BIRC6: variants seen among roughly 807,000 people sequenced by gnomAD.
BIRC6 encodes baculoviral IAP repeat containing 6.
Under a neutral mutation model 503.3 loss-of-function variants are expected in BIRC6, and 98 were observed. The observed-to-expected ratio is 0.19, with a 90% CI of 0.17 to 0.23. The LOEUF (loss-of-function observed/expected upper bound fraction) is 0.23, where lower values mean the gene tolerates loss of function less well. Ranked by LOEUF, BIRC6 falls within the 10% of genes least tolerant of loss-of-function variation. The probability of loss-of-function intolerance (pLI) is 1.00; values close to 1 mark genes in which losing one functional copy is unlikely to be tolerated. For synonymous variants in BIRC6, 2,240 were observed against 2,078.7 expected, an observed-to-expected ratio of 1.08 and a Z score of -2.11; for missense variants, 5,360 against 5,806.0, an observed-to-expected ratio of 0.92 and a Z score of 2.50.
At chr2:32,443,043 A>G (rs980110309) in intron 19 of BIRC6, among the ~76,000 whole-genome samples, 9 of 152,214 alleles carry the variant, frequency 5.9e-5, no homozygotes, top group Non-Finnish European at 1.5e-5. Context: ...AACAATAACT[A>G]CTAATAAAAT....
intron 39 of BIRC6, among the ~76,000 whole-genome samples, chr2:32,483,663 T>G (rs572475570): frequency 1.3e-5 from 2 of 152,370 alleles, no homozygotes; most frequent in East Asian, 3.9e-4. Context: ...TTCCTCATAG[T>G]TGACCTTCAT....
intron 11 of BIRC6, among the ~76,000 whole-genome samples, chr2:32,430,233 T>G (rs2043947845): frequency 6.6e-6 from 1 of 152,220 alleles, no homozygotes; most frequent in East Asian, 1.9e-4. Flanking sequence ...GGCTTAGCAT[T>G]TTTTAATGTT....
rs2048325708 is a variant in BIRC6 at position 32,464,561 on chromosome 2, C to G, written c.4994C>G (p.Ala1665Gly). 1 of 1,605,892 alleles carries G rather than the reference C, an allele frequency of 6.2e-7. No homozygotes were observed. Among genetic ancestry groups the G allele is most frequent in the Admixed American group, 1.7e-5 (1 of 58,136 alleles). The change falls in exon 25 of 74, where the codon GCA becomes GGA. Residue 1665 changes from alanine (A) to glycine (G), a missense_variant. Around this residue, in one of 16 missense-constraint regions of BIRC6, gnomAD observed 2,299 missense variants for 2,267.2 expected, o/e 1.01. Coordinates refer to ENST00000421745, the MANE Select transcript of BIRC6 (RefSeq NM_016252.4). ...CAGACAACAGCTGCAGCAGCTGCAG[C>G]AGCATCAGCAGTAGGTCCTGTTCAC... ...LHQTTAAAAA[A>G]ASAVGPVHNS...
intron 26 of BIRC6, among the ~76,000 whole-genome samples, chr2:32,465,904 C>G (rs563598441): frequency 7.1e-6 from 1 of 141,662 alleles, no homozygotes; most frequent in African/African-American, 2.5e-5. Context: ...AAAAGTCTTA[C>G]AGTATTTTCT....
rs976018802 is a variant in BIRC6, at chr2:32,476,207, A to T, written c.6721-6A>T. On this transcript the variant is annotated splice_polypyrimidine_tract_variant and splice_region_variant and intron_variant, in intron 33 of 73. Transcript: ENST00000421745. Reference sequence around the variant, plus strand: ...AAAGATTAAGTTGTTTATTTGTTTTATAAAGCAACTTAACCTACTAAAAGC... The same window carrying T: ...AAAGATTAAGTTGTTTATTTGTTTTTTAAAGCAACTTAACCTACTAAAAGC... The T allele has an allele frequency of 2.6e-6, 4 of 1,528,854 alleles. No individual in the cohort carries two copies. Among genetic ancestry groups the T allele is most frequent in the Admixed American group, 2.2e-5 (1 of 44,816 alleles). 94.7% of individuals were successfully genotyped at this position (1,528,854 alleles called of 1,614,324 possible).
intron 21 of BIRC6, among the ~76,000 whole-genome samples, chr2:32,446,045 G>A (rs1410561335): frequency 1.3e-5 from 2 of 151,948 alleles, no homozygotes; most frequent in Admixed American, 6.6e-5. Context: ...TAGTAGAGAC[G>A]GGGTTTCTTC....
rs535284403 is a variant in BIRC6, at chr2:32,416,648, AT to A, written c.2872+492del. Among the ~76,000 whole-genome samples the A allele has an allele frequency of 3.5e-4, 53 of 152,102 alleles. 1 individual carries two copies. The South Asian group carries it at 6.6e-3, about 19-fold the overall frequency. Reference sequence around the variant, plus strand: ...AACAATTTTTAGTTTTGCTAAATACATTTTTTTGTCTGATTTATTCCTGATC... The same window carrying A: ...AACAATTTTTAGTTTTGCTAAATACATTTTTTGTCTGATTTATTCCTGATC... On this transcript the variant is annotated intron_variant, in intron 10 of 73. Coordinates refer to ENST00000421745, the MANE Select transcript of BIRC6 (RefSeq NM_016252.4).
At chr2:32,386,359 A>C (rs1196173094) in intron 3 of BIRC6, among the ~76,000 whole-genome samples, 3 of 152,160 alleles carry the variant, frequency 2.0e-5, no homozygotes, top group African/African-American at 7.2e-5. Flanking sequence ...TACCATCCAC[A>C]GTCATTCTTC....
At chr2:32,389,011 A>T in intron 4 of BIRC6, 68 bp downstream of exon 4, 1 of 1,054,360 alleles carries the variant, frequency 9.5e-7, no homozygotes, top group Non-Finnish European at 1.2e-6. Context: ...AACAAGGAAT[A>T]ACTAGAAAAT....
intron 9 of BIRC6, among the ~76,000 whole-genome samples, chr2:32,409,949 T>A (rs1481170270): frequency 6.6e-6 from 1 of 152,216 alleles, no homozygotes; most frequent in Non-Finnish European, 1.5e-5. Context: ...TTTATGCTGC[T>A]TCCCACATGT....
intron 66 of BIRC6, among the ~76,000 whole-genome samples, chr2:32,588,100 C>G (rs1356452121): frequency 6.6e-6 from 1 of 152,172 alleles, no homozygotes; most frequent in African/African-American, 2.4e-5. Flanking sequence ...TGGCTCACGC[C>G]TGTAATCCCA....
intron 65 of BIRC6, among the ~76,000 whole-genome samples, chr2:32,570,492 G>A (rs2059842766): frequency 6.9e-6 from 1 of 144,060 alleles, no homozygotes; most frequent in Non-Finnish European, 1.6e-5. Flanking sequence ...CCATTTATTT[G>A]TTTGTTTGTT....
At chr2:32,437,441 A>G (rs904882563) in intron 15 of BIRC6, among the ~76,000 whole-genome samples, 5 of 152,346 alleles carry the variant, frequency 3.3e-5, no homozygotes, top group South Asian at 4.1e-4. Context: ...CTCCAACCCA[A>G]GAAAATAACT....
Position 32,357,528 on chromosome 2 carries a change from G to C in BIRC6, c.325+42G>C. 3.9e-6 allele frequency: 6 copies of C among 1,531,116 alleles called. No individual in the cohort carries two copies. Among genetic ancestry groups the C allele is most frequent in the Non-Finnish European group, 5.3e-6 (6 of 1,139,990 alleles). 94.8% of individuals were successfully genotyped at this position (1,531,116 alleles called of 1,614,324 possible). On this transcript the variant is annotated intron_variant, in intron 1 of 73. Transcript: ENST00000421745. The surrounding 1 kb of genome is among the most constrained non-coding windows in gnomAD (Gnocchi z 4.9). ...CCGGGCGGGCGCGAAGCCGGGGAAA[G>C]AAGCCGTCCAGCCCCGGGGCTCGGC...
intron 10 of BIRC6, among the ~76,000 whole-genome samples, chr2:32,423,628 G>T (rs1165418858): frequency 1.3e-5 from 2 of 151,980 alleles, no homozygotes; most frequent in African/African-American, 4.8e-5. Context: ...TCACATCTTG[G>T]TTCCTTTTTA....
At chr2:32,539,082 C>G (rs1033590176) in intron 61 of BIRC6, among the ~76,000 whole-genome samples, 3 of 152,230 alleles carry the variant, frequency 2.0e-5, no homozygotes, top group Non-Finnish European at 4.4e-5. Context: ...TAATGTATCA[C>G]AAAGTTGAAT....
chr2:32,514,510 G>A (rs947638522), intron 54 of BIRC6, among the ~76,000 whole-genome samples: 1 of 152,176 alleles, frequency 6.6e-6, no homozygotes, highest in Non-Finnish European at 1.5e-5. Flanking sequence ...CACATAAAAA[G>A]TAGGCCTATT....
intron 6 of BIRC6, among the ~76,000 whole-genome samples, chr2:32,397,683 C>CAT (rs1266127643): frequency 8.2e-6 from 1 of 121,890 alleles, no homozygotes; most frequent in Non-Finnish European, 1.7e-5. Context: ...TACACACACA[C>CAT]ATATATATGT....
intron 10 of BIRC6, among the ~76,000 whole-genome samples, chr2:32,421,581 C>T (rs115955710): frequency 1.4e-4 from 22 of 152,154 alleles, no homozygotes; most frequent in African/African-American, 4.8e-4. Flanking sequence ...CTTGTGATTT[C>T]TTGTTTGGCC....
Sources: allele counts gnomAD v4.1 joint callset (sites outside exome capture counted in the v4.1 genomes callset), GRCh38; gene constraint gnomAD v4.1.1; regional missense constraint gnomAD v4.1.1; non-coding constraint Gnocchi (gnomAD v3.1); transcripts MANE v1.5; gene names NCBI Gene and HGNC (gene_info 2026-07-23, HGNC 2026-07-21).